Variants in MMP2 observed in about 807,000 individuals in gnomAD.
MMP2 encodes the protein 72 kDa type IV collagenase.
A neutral mutation model predicts 74.8 loss-of-function variants in MMP2; 39 were observed. That is an observed-to-expected ratio of 0.52 (90% CI 0.40 to 0.68). The LOEUF is 0.68. MMP2 is among the 30% of genes least tolerant of loss of function. MMP2 has a pLI of 0.00. For synonymous variants in MMP2, 367 were observed against 339.8 expected, an observed-to-expected ratio of 1.08 and a Z score of -0.88; for missense variants, 803 against 878.3, an observed-to-expected ratio of 0.91 and a Z score of 1.08.
At chr16:55,480,006 A>C in intron 1 of MMP2, 1 of 296,952 alleles carries the variant, frequency 3.4e-6, no homozygotes. Context: ...TTTGTAAACA[A>C]CTTTTGGACA....
intron 11 of MMP2, among the ~76,000 whole-genome samples, chr16:55,500,993 A>G (rs1962655553): frequency 6.6e-6 from 1 of 152,364 alleles, no homozygotes; most frequent in East Asian, 1.9e-4. Context: ...CGGGGGTCAA[A>G]AAATCATCAC....
At chr16:55,481,054 C>T (rs981607320) in intron 1 of MMP2, among the ~76,000 whole-genome samples, 2 of 152,124 alleles carry the variant, frequency 1.3e-5, no homozygotes, top group East Asian at 3.9e-4. Context: ...TTGGCTTGCA[C>T]AGGAAGGAAT....
Position 55,505,448 on chromosome 16 carries a change from C to T in MMP2, c.*6C>T. 1 of 1,612,928 alleles carries T rather than the reference C, an allele frequency of 6.2e-7. No homozygotes were observed. Among genetic ancestry groups the T allele is most frequent in the South Asian group, 1.1e-5 (1 of 91,068 alleles). On this transcript the variant is annotated 3_prime_UTR_variant, in exon 13 of 13. Transcript: ENST00000219070. ...CCGACTGGCTAGGCTGCTGAGCTGGCCCTGGCTCCCACAGGCCCTTCCTCT... is the reference window on the plus strand; with the variant it reads ...CCGACTGGCTAGGCTGCTGAGCTGGTCCTGGCTCCCACAGGCCCTTCCTCT...
intron 5 of MMP2, among the ~76,000 whole-genome samples, chr16:55,486,346 C>CCT (rs72153554): frequency 4.6e-5 from 2 of 43,726 alleles, no homozygotes; most frequent in African/African-American, 1.3e-4. Flanking sequence ...TGTGTGTGTG[C>CCT]CTGTGTGTGT....
intron 5 of MMP2, 52 bp downstream of exon 5, chr16:55,485,829 C>T (rs762040994): frequency 1.9e-6 from 3 of 1,591,626 alleles, no homozygotes; most frequent in Middle Eastern, 2.1e-4. Flanking sequence ...CTCCAGCTTC[C>T]CGGGCTCCCC....
At chr16:55,479,985 G>GAT (rs1962057015) in intron 1 of MMP2, 1 of 294,894 alleles carries the variant, frequency 3.4e-6, no homozygotes, top group Non-Finnish European at 6.4e-6. Context: ...TGGCGGGGGG[G>GAT]GGGGGCGGTC....
Position 55,489,718 on chromosome 16 carries a change from C to T in MMP2, c.1074C>T (p.Asn358=). The T allele has an allele frequency of 5.0e-6, 8 of 1,614,142 alleles. No individual in the cohort carries two copies. The highest frequency in any genetic ancestry group is 6.8e-6 in the Non-Finnish European group (8 of 1,180,030). ...TCTTCCCCTTCACTTTCCTGGGCAA[C>T]AAATATGAGAGCTGCACCAGCGCCG... ...PCVFPFTFLG[N]KYESCTSAGR... Residue 358 remains asparagine (N), a synonymous_variant, in exon 7 of 13, where the codon AAC becomes AAT. Coordinates refer to ENST00000219070, the MANE Select transcript of MMP2 (RefSeq NM_004530.6).
At chr16:55,500,614 G>A (rs1962647143) in intron 11 of MMP2, among the ~76,000 whole-genome samples, 1 of 151,320 alleles carries the variant, frequency 6.6e-6, no homozygotes, top group Non-Finnish European at 1.5e-5. Flanking sequence ...TTCCACACAA[G>A]CCCACCTCCC....
intron 9 of MMP2, among the ~76,000 whole-genome samples, chr16:55,493,506 C>T (rs572996323): frequency 6.6e-6 from 1 of 152,294 alleles, no homozygotes; most frequent in African/African-American, 2.4e-5. Flanking sequence ...TGTGGGTCTA[C>T]TAGTTATCTT....
At position 55,485,750 on chromosome 16, in the gene MMP2, G is replaced by A. The variant is rs2142349109; in HGVS notation, c.805G>A (p.Gly269Ser). The A allele has an allele frequency of 6.2e-7, 1 of 1,614,058 alleles. No homozygotes were observed. Residue 269 changes from glycine (G) to serine (S), a missense_variant, in exon 5 of 13, where the codon GGC becomes AGC. Gly to Ser is a moderately conservative substitution (Grantham distance 56). Transcript: ENST00000219070. ...CACCACCTACAACTTTGAGAAGGATGGCAAGTACGGCTTCTGTCCCCATGA... is the reference window on the plus strand; with the variant it reads ...CACCACCTACAACTTTGAGAAGGATAGCAAGTACGGCTTCTGTCCCCATGA... ...CSTTYNFEKDGKYGFCPHEAL... is the reference protein window; with the variant it reads ...CSTTYNFEKDSKYGFCPHEAL...
At position 55,491,949 on chromosome 16, in the gene MMP2, G is replaced by A; in HGVS notation, c.1329G>A (p.Glu443=). ...LSQDDIKGIQ[E]LYGASPDIDL... is the part of the protein sequence containing the mutation. The stretch of plus-strand genomic sequence containing the variant: ...AGGATGACATCAAGGGCATTCAGGA[G>A]CTCTATGGTAAACCTCCGGGCGGGG... Residue 443 remains glutamate (E), a synonymous_variant, in exon 8 of 13, where the codon GAG becomes GAA. Coordinates refer to ENST00000219070, the MANE Select transcript of MMP2 (RefSeq NM_004530.6). 1.2e-6 allele frequency: 2 copies of A among 1,607,784 alleles called. No homozygotes were observed. Among genetic ancestry groups the A allele is most frequent in the Non-Finnish European group, 1.7e-6 (2 of 1,176,946 alleles).
At chr16:55,483,229 G>A in intron 2 of MMP2, 94 bp downstream of exon 2, 2 of 986,184 alleles carry the variant, frequency 2.0e-6, no homozygotes, top group South Asian at 1.6e-5. Flanking sequence ...GGATCCATGA[G>A]GTGTCTTTTG....
chr16:55,494,953 T>C (rs1246741738), intron 9 of MMP2, among the ~76,000 whole-genome samples: 1 of 152,228 alleles, frequency 6.6e-6, no homozygotes, highest in Non-Finnish European at 1.5e-5. Flanking sequence ...TGTGAAAGTT[T>C]CTGGATTAGC....
At chr16:55,502,939 A>G in intron 12 of MMP2, 51 bp downstream of exon 12, 1 of 1,431,074 alleles carries the variant, frequency 7.0e-7, no homozygotes, top group Non-Finnish European at 9.8e-7. Flanking sequence ...GCCCCTAGCC[A>G]GGGCCCAGCT....
intron 6 of MMP2, 73 bp from the exon 7 acceptor site, chr16:55,489,578 C>T (rs1962348481): frequency 7.0e-6 from 11 of 1,568,792 alleles, no homozygotes; most frequent in South Asian, 3.3e-5. Context: ...TTAAGGTCAG[C>T]GTCATGTCAT....
chr16:55,503,023 T>A, intron 12 of MMP2, 135 bp downstream of exon 12: 1 of 734,262 alleles, frequency 1.4e-6, no homozygotes, highest in Non-Finnish European at 2.4e-6. Flanking sequence ...ATCAACTCCT[T>A]CATCCTAGTG....
At chr16:55,480,916 G>C (rs551934796) in intron 1 of MMP2, among the ~76,000 whole-genome samples, 1 of 152,248 alleles carries the variant, frequency 6.6e-6, no homozygotes, top group Admixed American at 6.5e-5. Flanking sequence ...TGATGTGGCT[G>C]TTGGGTGGGG....
intron 5 of MMP2, among the ~76,000 whole-genome samples, chr16:55,486,077 T>C (rs574729861): frequency 6.6e-6 from 1 of 152,332 alleles, no homozygotes; most frequent in South Asian, 2.1e-4. Flanking sequence ...TTATTTCTAA[T>C]ATATATTGGA....
rs756758374 is a variant in MMP2, at chr16:55,485,785, T to A, written c.832+8T>A. 6.2e-7 allele frequency: 1 copy of A among 1,612,156 alleles called. No homozygotes were observed. Among genetic ancestry groups the A allele is most frequent in the African/African-American group, 1.3e-5 (1 of 74,866 alleles). On this transcript the variant is annotated splice_region_variant and intron_variant, in intron 5 of 12. Coordinates refer to ENST00000219070, the MANE Select transcript of MMP2 (RefSeq NM_004530.6). Reference sequence around the variant, plus strand: ...GCTTCTGTCCCCATGAAGGTGAGCATCCACTCTAGTCCCCAAGACTTTCCA... The same window carrying A: ...GCTTCTGTCCCCATGAAGGTGAGCAACCACTCTAGTCCCCAAGACTTTCCA...
Sources: allele counts gnomAD v4.1 joint callset (sites outside exome capture counted in the v4.1 genomes callset), GRCh38; gene constraint gnomAD v4.1.1; transcripts MANE v1.5; gene names NCBI Gene and HGNC (gene_info 2026-07-23, HGNC 2026-07-21).